NBPF12: variants seen among roughly 807,000 people sequenced by gnomAD.
The protein encoded by NBPF12 is NBPF family member NBPF12.
A neutral mutation model predicts 146.4 loss-of-function variants in NBPF12; 115 were observed. That is an observed-to-expected ratio of 0.79 (90% CI 0.68 to 0.92). The LOEUF (loss-of-function observed/expected upper bound fraction) is 0.92. Among genes scored for constraint, NBPF12 ranks in the 40% least tolerant of loss-of-function variants. The pLI is 0.00. For missense variants in NBPF12, 1,205 were observed against 1,326.8 expected (o/e 0.91, Z 1.43); for synonymous variants, 385 against 508.9 (o/e 0.76, Z 3.28).
rs61805946 is a variant in NBPF12, at chr1:146,943,048, C to T, written c.-821-243C>T. 6.5e-3 allele frequency among the ~76,000 whole-genome samples: 870 copies of T among 132,930 alleles called. 4 individuals are homozygous for T. Among genetic ancestry groups the T allele is most frequent in the African/African-American group, 0.021 (756 of 35,242 alleles). The allele number at this position is 132,930 out of a possible 152,430, so 87.2% of individuals were successfully genotyped here. On this transcript the variant is annotated intron_variant, in intron 1 of 35. Coordinates refer to the NBPF12 transcript ENST00000617931. ...CCGAGTAGCTGAGAGTGCAAGTGTG[C>T]GCCACCATGCTCGGCTAATTTCTCA...
In NBPF12 at chr1:146,957,843, T is replaced by TAC. The variant is rs1174836072; in HGVS notation, c.-183-2015_-183-2014insCA. On this transcript the variant is annotated intron_variant, in intron 2 of 33. Transcript: ENST00000617844. ...CTTAAAAAAGAAAAAAAAAATATAATATATATATATATACACGTGTTATAT... is the reference window on the plus strand; with the variant it reads ...CTTAAAAAAGAAAAAAAAAATATAATACATATATATATATACACGTGTTATAT... Among the ~76,000 whole-genome samples the TAC allele has an allele frequency of 5.2e-5, 6 of 114,290 alleles. 2 individuals carry two copies. In the South Asian group the frequency reaches 1.7e-3, roughly 33 times the overall value. 75.0% of individuals were successfully genotyped at this position (114,290 alleles called of 152,430 possible).
intron 13 of NBPF12, 41 bp downstream of exon 16, chr1:146,971,435 C>A: frequency 1.3e-6 from 2 of 1,533,556 alleles, no homozygotes; most frequent in South Asian, 1.1e-5. Context: ...TCTGTCTAGG[C>A]TATGGAAGAT....
Position 146,990,808 on chromosome 1 carries a change from G to C in NBPF12, c.3623+291G>C, listed in dbSNP as rs1223944124. Reference sequence around the variant, plus strand: ...TGAGCCCACTGTTTTCATGATCACTGTTCGCTGTGTGTCCCGAGGGCACTA... The same window carrying C: ...TGAGCCCACTGTTTTCATGATCACTCTTCGCTGTGTGTCCCGAGGGCACTA... On this transcript the variant is annotated intron_variant, in intron 29 of 33. Coordinates refer to ENST00000617844, the Ensembl canonical transcript of NBPF12. Among the ~76,000 whole-genome samples the C allele has an allele frequency of 1.9e-5, 2 of 103,526 alleles. 1 individual carries two copies. The highest frequency in any genetic ancestry group is 3.7e-5 in the Non-Finnish European group (2 of 53,678). 67.9% of individuals were successfully genotyped at this position (103,526 alleles called of 152,430 possible). A position where few individuals can be genotyped will look rare whatever the true frequency, so the allele number is the denominator to read the frequency against.
At chr1:146,992,646 C>G (rs1245531324) in intron 31 of NBPF12, 66 bp from the exon 35 acceptor site, 41 of 772,420 alleles carry the variant, frequency 5.3e-5, no homozygotes, top group Admixed American at 3.6e-4. Context: ...ACCCATGAAA[C>G]CTAGTTGGGG....
intron 11 of NBPF12, among the ~76,000 whole-genome samples, chr1:146,970,215 T>A (rs1305589528): frequency 6.6e-6 from 1 of 150,594 alleles, no homozygotes; most frequent in Non-Finnish European, 1.5e-5. Context: ...AGAAGCCACA[T>A]GGAGGGCCTG....
intron 2 of NBPF12, among the ~76,000 whole-genome samples, chr1:146,954,677 T>C (rs1210435334): frequency 1.3e-5 from 2 of 149,818 alleles, no homozygotes; most frequent in East Asian, 1.9e-4. Context: ...AATAATAAAA[T>C]AGCAATATTA....
chr1:146,959,970 T>G lies in NBPF12; in HGVS notation c.-72T>G. The G allele has an allele frequency of 3.3e-6, 1 of 301,366 alleles. No homozygotes were observed. The allele number at this position is 301,366 out of a possible 1,614,324, so 18.7% of individuals were successfully genotyped here. ...ACCTTGTTTTTGTGGTGAAGGATCC[T>G]AAAGTGCTGTGGGGAGTGATCACAT... is the stretch of plus-strand genomic sequence containing the variant. On this transcript the variant is annotated 5_prime_UTR_variant, in exon 3 of 34. The change abolishes the stop of an existing upstream ORF in the 5' untranslated region. Transcript: ENST00000617844.
chr1:146,982,492 G>C (rs1286879613), intron 19 of NBPF12, among the ~76,000 whole-genome samples: 3 of 151,672 alleles, frequency 2.0e-5, no homozygotes, highest in Admixed American at 1.3e-4. Flanking sequence ...AATTGAAAAA[G>C]TAAATATATT....
At chr1:146,946,599 GATT>G (rs1655087172), upstream of NBPF12, among the ~76,000 whole-genome samples, 1 of 109,368 alleles carries the variant, frequency 9.1e-6, no homozygotes, top group South Asian at 3.3e-4. Context: ...TTTTCCATCA[GATT>G]ATTTTGTAAG....
At chr1:146,938,415 C>T (rs1248467040), upstream of NBPF12, among the ~76,000 whole-genome samples, 3 of 152,120 alleles carry the variant, frequency 2.0e-5, 1 homozygote, top group African/African-American at 7.3e-5. Context: ...TGTCTCCCGC[C>T]TCTTTAACCT....
chr1:146,961,164 A>T (rs2101844595), intron 4 of NBPF12, among the ~76,000 whole-genome samples: 1 of 152,168 alleles, frequency 6.6e-6, no homozygotes, highest in South Asian at 2.1e-4. Flanking sequence ...AAACAAAAGG[A>T]TAAATAAATC....
At chr1:146,992,641 T>A (rs1197961077) in intron 31 of NBPF12, 71 bp from the exon 35 acceptor site, 8 of 773,424 alleles carry the variant, frequency 1.0e-5, no homozygotes, top group Non-Finnish European at 1.9e-5. Flanking sequence ...ATGCTACCCA[T>A]GAAACCTAGT....
intron 12 of NBPF12, 75 bp downstream of exon 15, chr1:146,970,794 A>G (rs1656554592): frequency 4.1e-6 from 5 of 1,207,178 alleles, no homozygotes; most frequent in South Asian, 3.6e-5. Flanking sequence ...CCTCTCTGGC[A>G]TCTATGATGG....
At position 146,983,031 on chromosome 1, in the gene NBPF12, T is replaced by G; in HGVS notation, c.2554T>G (p.Tyr852Asp). 3 of 1,608,490 alleles carry G rather than the reference T, an allele frequency of 1.9e-6. No homozygotes were observed. In the South Asian group the frequency reaches 3.3e-5, roughly 18 times the overall value. The stretch of plus-strand genomic sequence containing the variant: ...TGAAAGGTTGGCCTCATACCAGTCT[T>G]ACAGCAGCACATTTCACTCATTAGA... The change falls in exon 20 of 34, where the codon TAC becomes GAC. Residue 852 changes from tyrosine (Y) to aspartate (D), a missense_variant. This residue lies in a region of NBPF12 where 49 missense variants were observed against 49.9 expected (regional missense o/e 0.98). Coordinates refer to ENST00000617844, the Ensembl canonical transcript of NBPF12.
intron 2 of NBPF12, among the ~76,000 whole-genome samples, chr1:146,957,983 GTGTGTATATATATATATACA>G: frequency 1.7e-5 from 2 of 115,706 alleles, no homozygotes; most frequent in Admixed American, 9.1e-5. Context: ...GTATATATGT[GTGTGTATATATATATATACA>G]TGTGTATATA....
intron 11 of NBPF12, 70 bp from the exon 15 acceptor site, chr1:146,970,577 G>A (rs1553886240): frequency 6.8e-5 from 106 of 1,551,478 alleles, no homozygotes; most frequent in Non-Finnish European, 8.8e-5. Context: ...ATGTCTCTGT[G>A]CACGTTGGGC....
chr1:146,965,408 G>T (rs1285121574), intron 8 of NBPF12, among the ~76,000 whole-genome samples: 1 of 151,200 alleles, frequency 6.6e-6, no homozygotes, highest in Non-Finnish European at 1.5e-5. Flanking sequence ...ACTTAGGTGG[G>T]AGGATGGGCT....
chr1:146,951,288 C>T, intron 1 of NBPF12, 60 bp from the exon 5 acceptor site: 2 of 700,174 alleles, frequency 2.9e-6, no homozygotes, highest in South Asian at 1.6e-5. Context: ...AAGAAAGTGT[C>T]TCATTGGTAA....
chr1:146,969,619 T>A lies in NBPF12; in HGVS notation c.1306+23T>A, dbSNP rs1267023266. 6.8e-6 allele frequency: 11 copies of A among 1,608,890 alleles called. No individual in the cohort carries two copies. In the South Asian group the frequency reaches 8.8e-5, roughly 13 times the overall value. On this transcript the variant is annotated intron_variant, in intron 11 of 33. Transcript: ENST00000617844. ...CAGGTAAGGTGGCCACAGGCCCTGA[T>A]GACCCAAAACCCCAGGCTTATGAGA...
Sources: allele counts gnomAD v4.1 joint callset (sites outside exome capture counted in the v4.1 genomes callset), GRCh38; gene constraint gnomAD v4.1.1; regional missense constraint gnomAD v4.1.1; transcripts MANE v1.5; gene names NCBI Gene and HGNC (gene_info 2026-07-23, HGNC 2026-07-21).